The following PRKACB variants were observed in gnomAD, a reference collection of about 807,000 sequenced individuals.
PRKACB encodes the protein cAMP-dependent protein kinase catalytic subunit beta.
Under a neutral mutation model 51.4 loss-of-function variants are expected in PRKACB, and 16 were observed. The ratio of observed to expected loss-of-function variants is 0.31; its 90% confidence interval spans 0.21 to 0.47. The LOEUF (loss-of-function observed/expected upper bound fraction) is 0.47. PRKACB is among the 20% of genes least tolerant of loss of function. PRKACB has a pLI of 1.00. For synonymous variants in PRKACB, 147 were observed against 154.4 expected (o/e 0.95, Z 0.35); for missense variants, 309 against 464.5 (o/e 0.67, Z 3.08).
intron 1 of PRKACB, among the ~76,000 whole-genome samples, chr1:84,153,455 CATTATT>C (rs1655079516): frequency 6.6e-6 from 1 of 151,960 alleles, no homozygotes; most frequent in Non-Finnish European, 1.5e-5. Flanking sequence ...TGTATTAATG[CATTATT>C]ATTAACTGCA....
At chr1:84,090,949 C>G (rs2100771237) in intron 1 of PRKACB, among the ~76,000 whole-genome samples, 1 of 152,262 alleles carries the variant, frequency 6.6e-6, no homozygotes, top group Non-Finnish European at 1.5e-5. Flanking sequence ...CCTGCTTTCC[C>G]AGGAGTCTTT....
At chr1:84,101,113 T>C (rs918672910) in intron 1 of PRKACB, among the ~76,000 whole-genome samples, 1 of 152,186 alleles carries the variant, frequency 6.6e-6, no homozygotes, top group Non-Finnish European at 1.5e-5. Context: ...GGAAGAGATA[T>C]ATTGCAAGAA....
intron 9 of PRKACB, among the ~76,000 whole-genome samples, chr1:84,229,633 G>A (rs1243005294): frequency 6.6e-6 from 1 of 151,820 alleles, no homozygotes; most frequent in Non-Finnish European, 1.5e-5. Flanking sequence ...TCTAACTGGT[G>A]TGAGATGATA....
At chr1:84,103,425 G>A (rs1450812389) in intron 1 of PRKACB, among the ~76,000 whole-genome samples, 3 of 151,590 alleles carry the variant, frequency 2.0e-5, no homozygotes, top group Non-Finnish European at 4.4e-5. Flanking sequence ...GAGAGATGGG[G>A]TGTGGGGGTG....
intron 1 of PRKACB, among the ~76,000 whole-genome samples, chr1:84,138,143 T>C (rs1236496759): frequency 6.6e-6 from 1 of 152,060 alleles, no homozygotes; most frequent in East Asian, 1.9e-4. Flanking sequence ...CTAAAAGGGC[T>C]GGGGCAGGAA....
At chr1:84,195,092 G>A (rs763078728) in intron 5 of PRKACB, among the ~76,000 whole-genome samples, 44 of 152,290 alleles carry the variant, frequency 2.9e-4, no homozygotes, top group Non-Finnish European at 5.4e-4. Context: ...GATAAAGTAA[G>A]AGGGGACCTC....
At chr1:84,139,529 A>G (rs1653172876), upstream of PRKACB, among the ~76,000 whole-genome samples, 1 of 152,200 alleles carries the variant, frequency 6.6e-6, no homozygotes, top group South Asian at 2.1e-4. Flanking sequence ...TATGTGCAAG[A>G]TCTGTGTGTT....
At chr1:84,229,676 T>C (rs1425383143) in intron 9 of PRKACB, among the ~76,000 whole-genome samples, 1 of 151,298 alleles carries the variant, frequency 6.6e-6, no homozygotes, top group Admixed American at 6.6e-5. Flanking sequence ...ATTTCTCTGA[T>C]GGCCAGTGAT....
At chr1:84,096,898 G>T (rs1404911437) in intron 1 of PRKACB, among the ~76,000 whole-genome samples, 1 of 152,012 alleles carries the variant, frequency 6.6e-6, no homozygotes, top group Non-Finnish European at 1.5e-5. Context: ...TCCCTCCAGA[G>T]TCAATAAGCA....
chr1:84,086,048 A>G, intron 1 of PRKACB: 1 of 959,044 alleles, frequency 1.0e-6, no homozygotes, highest in South Asian at 1.3e-5. Flanking sequence ...GATGGTGGTC[A>G]AGCAGCATAG....
At chr1:84,186,780 G>T (rs1175920327) in intron 5 of PRKACB, among the ~76,000 whole-genome samples, 1 of 152,248 alleles carries the variant, frequency 6.6e-6, no homozygotes, top group Admixed American at 6.5e-5. Context: ...GGGTGTCTAT[G>T]TAGGGACCTG....
At chr1:84,138,357 C>T (rs953502199) in intron 1 of PRKACB, among the ~76,000 whole-genome samples, 5 of 152,194 alleles carry the variant, frequency 3.3e-5, no homozygotes, top group African/African-American at 1.2e-4. Context: ...ATAAATGCTA[C>T]AGGCATTAAA....
At chr1:84,083,030 TA>T (rs1647671858) in intron 1 of PRKACB, among the ~76,000 whole-genome samples, 1 of 152,234 alleles carries the variant, frequency 6.6e-6, no homozygotes, top group Non-Finnish European at 1.5e-5. Flanking sequence ...ACTACAAAGT[TA>T]AATTATTTTT....
intron 1 of PRKACB, chr1:84,086,152 G>C: frequency 6.3e-7 from 1 of 1,597,420 alleles, no homozygotes; most frequent in Non-Finnish European, 8.6e-7. Flanking sequence ...TGGCCATGAA[G>C]AATGGGGATG....
chr1:84,159,877 C>T lies in PRKACB; in HGVS notation c.187+15329C>T, dbSNP rs529943070. ...TATACTTTATTAATATAACATAGTT[C>T]GTTAATTGATTTTCAATGTTGAACC... On this transcript the variant is annotated intron_variant, in intron 1 of 9. Coordinates refer to ENST00000370685, the MANE Select transcript of PRKACB (RefSeq NM_182948.4). 5.9e-5 allele frequency among the ~76,000 whole-genome samples: 9 copies of T among 152,086 alleles called. No homozygotes were observed. The Middle Eastern group carries it at 0.014, about 230-fold the overall frequency.
chr1:84,136,490 CCACACACA>C (rs60681226), intron 1 of PRKACB, among the ~76,000 whole-genome samples: 1 of 146,648 alleles, frequency 6.8e-6, no homozygotes, highest in South Asian at 2.2e-4. Context: ...ACGGCCAAAA[CCACACACA>C]CACACACACA....
intron 8 of PRKACB, 45 bp from the exon 9 acceptor site, chr1:84,214,108 A>C (rs751740508): frequency 6.8e-7 from 1 of 1,480,132 alleles, no homozygotes; most frequent in Middle Eastern, 1.8e-4. Flanking sequence ...CAGAAATATC[A>C]TGAGTCTTAG....
At chr1:84,110,584 A>C (rs1650148408) in intron 1 of PRKACB, among the ~76,000 whole-genome samples, 1 of 151,830 alleles carries the variant, frequency 6.6e-6, no homozygotes, top group Non-Finnish European at 1.5e-5. Flanking sequence ...GCTGATATCT[A>C]TTCCTTCCTG....
At chr1:84,093,298 T>C (rs988311989) in intron 1 of PRKACB, among the ~76,000 whole-genome samples, 14 of 151,984 alleles carry the variant, frequency 9.2e-5, no homozygotes, top group Non-Finnish European at 4.4e-5. Flanking sequence ...TCTCTGTGTA[T>C]GCGCTTCTGT....
Sources: gnomAD v4.1 joint callset for allele counts (sites outside exome capture counted in the v4.1 genomes callset) on GRCh38, gnomAD v4.1.1 for gene constraint, MANE v1.5 for transcripts, NCBI Gene and HGNC (gene_info 2026-07-23, HGNC 2026-07-21) for gene names.